KLRG2: variants seen among roughly 807,000 people sequenced by gnomAD.
KLRG2 encodes the protein killer cell lectin like receptor G2, also known as killer cell lectin-like receptor subfamily G member 2.
A neutral mutation model predicts 35.4 loss-of-function variants in KLRG2; 39 were observed. The ratio of observed to expected loss-of-function variants is 1.10; its 90% CI spans 0.85 to 1.44. The LOEUF is 1.44. KLRG2 is among the 40% of genes most tolerant of loss of function. KLRG2 has a pLI of 0.00. For synonymous variants in KLRG2, 283 were observed against 265.8 expected (o/e 1.06, Z -0.63); for missense variants, 632 against 570.9 (o/e 1.11, Z -1.09).
chr7:139,427,472 A>C, the KLRG2 span, among the ~76,000 whole-genome samples: 1 of 152,244 alleles, frequency 6.6e-6, no homozygotes, highest in African/African-American at 2.4e-5. Context: ...GGCTGGTGCC[A>C]GCATCAAAAT....
At chr7:139,442,113 C>A in the KLRG2 span, among the ~76,000 whole-genome samples, 1 of 151,984 alleles carries the variant, frequency 6.6e-6, no homozygotes, top group African/African-American at 2.4e-5. Context: ...CAGTGACACG[C>A]CAGGGAGCAA....
chr7:139,454,047 G>C, intron 4 of KLRG2, 64 bp downstream of exon 4: 4 of 1,006,230 alleles, frequency 4.0e-6, no homozygotes, highest in Non-Finnish European at 6.1e-6. Flanking sequence ...CAAGGAGGTG[G>C]AGTCTGGGGA....
chr7:139,459,207 C>G (rs1310954108), intron 3 of KLRG2, among the ~76,000 whole-genome samples: 3 of 152,188 alleles, frequency 2.0e-5, no homozygotes, highest in African/African-American at 7.2e-5. Flanking sequence ...CACCTCCCCC[C>G]ATTGGCAACA....
chr7:139,446,331 C>T, the KLRG2 span, among the ~76,000 whole-genome samples: 2 of 139,240 alleles, frequency 1.4e-5, no homozygotes, highest in Non-Finnish European at 3.0e-5. Flanking sequence ...TTTGCATTTT[C>T]CAGGGTTTTT....
chr7:139,453,455 G>T lies in KLRG2; in HGVS notation c.*132C>A. The T allele has an allele frequency of 1.1e-6, 1 of 918,650 alleles. No individual in the cohort carries two copies. Among genetic ancestry groups the T allele is most frequent in the Non-Finnish European group, 1.6e-6 (1 of 621,830 alleles). The allele number at this position is 918,650 out of a possible 1,614,324, so 56.9% of individuals were successfully genotyped here. A position where few individuals can be genotyped will look rare whatever the true frequency, so the allele number is the denominator to read the frequency against. ...AAGTCCAGCTCCTAGGCTCGCTCAT[G>T]TGGCCCCCTTGAGCAGAGCATGAAG... On this transcript the variant is annotated 3_prime_UTR_variant, in exon 5 of 5. Transcript: ENST00000340940.
the KLRG2 span, among the ~76,000 whole-genome samples, chr7:139,427,292 G>A: frequency 7.2e-5 from 11 of 152,266 alleles, no homozygotes; most frequent in Admixed American, 2.6e-4. Context: ...ATGTTCTCCA[G>A]GTAGCAGCAG....
At chr7:139,445,793 G>GTATATATATATATATGTA in the KLRG2 span, among the ~76,000 whole-genome samples, 5 of 95,596 alleles carry the variant, frequency 5.2e-5, no homozygotes, top group Admixed American at 2.9e-4. Context: ...ATATATATAT[G>GTATATATATATATATGTA]TGTGTATATA....
At chr7:139,427,695 T>C in the KLRG2 span, among the ~76,000 whole-genome samples, 6 of 152,282 alleles carry the variant, frequency 3.9e-5, no homozygotes, top group East Asian at 1.2e-3. Context: ...AGAAACCATT[T>C]CATCTTGTGT....
chr7:139,473,639 A>C (rs1039514980), intron 3 of KLRG2, among the ~76,000 whole-genome samples: 2 of 152,246 alleles, frequency 1.3e-5, no homozygotes, highest in Non-Finnish European at 1.5e-5. Flanking sequence ...CAGGGAGCAG[A>C]GGAAAATTTC....
At chr7:139,449,857 G>A (rs1796349530), downstream of KLRG2, among the ~76,000 whole-genome samples, 1 of 150,284 alleles carries the variant, frequency 6.7e-6, no homozygotes, top group South Asian at 2.1e-4. Flanking sequence ...CCACCACCAC[G>A]CTTGGCTAAT....
At chr7:139,438,112 C>A in the KLRG2 span, among the ~76,000 whole-genome samples, 1 of 152,244 alleles carries the variant, frequency 6.6e-6, no homozygotes, top group Non-Finnish European at 1.5e-5. Flanking sequence ...ACACACGGAA[C>A]AGGGCTGCTC....
intron 3 of KLRG2, among the ~76,000 whole-genome samples, chr7:139,464,438 T>C (rs937385863): frequency 3.3e-5 from 5 of 152,190 alleles, no homozygotes; most frequent in Admixed American, 2.0e-4. Context: ...ATCAACCAAA[T>C]TGTTTTGCCT....
chr7:139,456,698 G>A (rs1307628531), intron 3 of KLRG2, among the ~76,000 whole-genome samples: 1 of 152,118 alleles, frequency 6.6e-6, no homozygotes, highest in Non-Finnish European at 1.5e-5. Flanking sequence ...CGTTGTCCAG[G>A]CTGGCCTTGA....
At chr7:139,461,245 T>TA (rs527784480) in intron 3 of KLRG2, among the ~76,000 whole-genome samples, 10 of 147,770 alleles carry the variant, frequency 6.8e-5, no homozygotes, top group Admixed American at 3.4e-4. Context: ...AGACTCCATC[T>TA]AAAAAAAAAA....
intron 3 of KLRG2, among the ~76,000 whole-genome samples, chr7:139,456,962 C>CCAGGCCAT (rs1796488152): frequency 6.6e-6 from 1 of 152,156 alleles, no homozygotes; most frequent in East Asian, 1.9e-4. Flanking sequence ...CACAGTGAGA[C>CCAGGCCAT]CAGGCCATCA....
intron 1 of KLRG2, among the ~76,000 whole-genome samples, chr7:139,482,559 A>C (rs952763988): frequency 6.6e-6 from 1 of 151,952 alleles, no homozygotes; most frequent in Non-Finnish European, 1.5e-5. Flanking sequence ...TGCCAGGCTA[A>C]TTTTTGTATT....
chr7:139,474,622 A>G (rs1796817357), intron 3 of KLRG2, among the ~76,000 whole-genome samples: 1 of 152,038 alleles, frequency 6.6e-6, no homozygotes, highest in South Asian at 2.1e-4. Context: ...TTAGCTGGGC[A>G]TGTTGGCACA....
the KLRG2 span, among the ~76,000 whole-genome samples, chr7:139,434,927 C>T: frequency 1.3e-5 from 2 of 152,106 alleles, no homozygotes; most frequent in East Asian, 1.9e-4. Flanking sequence ...ATCATCTCTT[C>T]GTCCTTCACA....
At chr7:139,467,171 G>A (rs556495993) in intron 3 of KLRG2, among the ~76,000 whole-genome samples, 11 of 152,108 alleles carry the variant, frequency 7.2e-5, no homozygotes, top group African/African-American at 2.4e-4. Context: ...AATCCCGCTC[G>A]AAGCAGCCCT....
Sources: allele counts gnomAD v4.1 joint callset (sites outside exome capture counted in the v4.1 genomes callset), GRCh38; gene constraint gnomAD v4.1.1; transcripts MANE v1.5; gene names NCBI Gene and HGNC (gene_info 2026-07-23, HGNC 2026-07-21).